Variants in SLC9C1 observed in about 807,000 individuals in gnomAD.
The protein encoded by SLC9C1 is sodium/hydrogen exchanger 10.
A neutral mutation model predicts 140.9 loss-of-function variants in SLC9C1; 97 were observed. That is an observed-to-expected ratio of 0.69 (90% confidence interval 0.58 to 0.82). The LOEUF is 0.82. SLC9C1 is among the 40% of genes least tolerant of loss of function. The pLI is 0.00. For missense variants in SLC9C1, 1,340 were observed against 1,389.3 expected (o/e 0.96, Z 0.56); for synonymous variants, 440 against 442.6 (o/e 0.99, Z 0.07).
chr3:112,215,678 A>T (rs2078342801), intron 15 of SLC9C1, among the ~76,000 whole-genome samples: 1 of 152,206 alleles, frequency 6.6e-6, no homozygotes, highest in African/African-American at 2.4e-5. Context: ...AAGAAGAACT[A>T]CAAACCACTG....
intron 13 of SLC9C1, among the ~76,000 whole-genome samples, chr3:112,226,770 C>A (rs1452295846): frequency 4.0e-5 from 6 of 151,620 alleles, no homozygotes; most frequent in Non-Finnish European, 2.9e-5. Context: ...TAATTATGCA[C>A]CTTAAGGAAC....
At chr3:112,190,849 A>G (rs75517399) in intron 20 of SLC9C1, among the ~76,000 whole-genome samples, 1,723 of 151,536 alleles carry the variant, frequency 0.011, 37 homozygotes, top group African/African-American at 0.038. Flanking sequence ...GTTATTTTCC[A>G]TGTTTGCTTT....
At chr3:112,243,500 A>C (rs1273307619) in intron 11 of SLC9C1, among the ~76,000 whole-genome samples, 4 of 152,164 alleles carry the variant, frequency 2.6e-5, no homozygotes, top group African/African-American at 9.7e-5. Context: ...GGAGTACTAG[A>C]GTGGGGAAAG....
At chr3:112,206,931 A>G (rs1331089893) in intron 16 of SLC9C1, among the ~76,000 whole-genome samples, 5 of 152,200 alleles carry the variant, frequency 3.3e-5, no homozygotes, top group East Asian at 3.8e-4. Flanking sequence ...CCAACATGGC[A>G]CATGTTTACA....
rs74986005 is a variant in SLC9C1, at chr3:112,156,496, G to A, written c.3365-1447C>T. Among the ~76,000 whole-genome samples the A allele has an allele frequency of 3.9e-5, 6 of 152,092 alleles. No individual in the cohort carries two copies. In the East Asian group the frequency reaches 5.8e-4, roughly 15 times the overall value. On this transcript the variant is annotated intron_variant, in intron 26 of 28. Coordinates refer to ENST00000305815, the MANE Select transcript of SLC9C1 (RefSeq NM_183061.3). The stretch of plus-strand genomic sequence containing the variant: ...CAATAAACATGGGAGTGAAGACATC[G>A]CTTCAACATACTGATTTTATTTCTT...
At chr3:112,233,475 ATTTC>A (rs2078890665) in intron 12 of SLC9C1, among the ~76,000 whole-genome samples, 1 of 152,016 alleles carries the variant, frequency 6.6e-6, no homozygotes, top group African/African-American at 2.4e-5. Flanking sequence ...AATTTTTGGT[ATTTC>A]TTGATTCTTT....
chr3:112,228,276 G>C (rs2078733041), intron 13 of SLC9C1, among the ~76,000 whole-genome samples: 1 of 152,016 alleles, frequency 6.6e-6, no homozygotes, highest in Admixed American at 6.6e-5. Context: ...TTTCGACAAA[G>C]CCATGAGGAA....
At chr3:112,159,985 A>G (rs1442878740) in intron 26 of SLC9C1, among the ~76,000 whole-genome samples, 2 of 151,844 alleles carry the variant, frequency 1.3e-5, no homozygotes, top group Non-Finnish European at 2.9e-5. Flanking sequence ...CATAGGCAGC[A>G]TATAGTTGGG....
At chr3:112,229,592 G>C (rs2078767653) in intron 13 of SLC9C1, among the ~76,000 whole-genome samples, 1 of 151,852 alleles carries the variant, frequency 6.6e-6, no homozygotes, top group Admixed American at 6.6e-5. Context: ...TCAAGCAAAA[G>C]GGTGTATAGA....
intron 13 of SLC9C1, among the ~76,000 whole-genome samples, chr3:112,226,167 A>T (rs1204166004): frequency 1.3e-5 from 2 of 152,276 alleles, no homozygotes; most frequent in South Asian, 4.1e-4. Flanking sequence ...CCAAATTTTT[A>T]AAAAATTAAA....
intron 3 of SLC9C1, 34 bp downstream of exon 3, chr3:112,280,649 T>C (rs1455647623): frequency 1.3e-6 from 2 of 1,534,810 alleles, no homozygotes; most frequent in African/African-American, 1.4e-5. Context: ...AATTCTCAAA[T>C]AAATAGTGTA....
At chr3:112,201,017 G>T (rs372662472) in intron 18 of SLC9C1, among the ~76,000 whole-genome samples, 1 of 152,016 alleles carries the variant, frequency 6.6e-6, no homozygotes, top group Non-Finnish European at 1.5e-5. Flanking sequence ...AAAAGTGCAG[G>T]CATGGTATTA....
intron 21 of SLC9C1, 145 bp downstream of exon 21, chr3:112,181,988 A>G (rs759366801): frequency 2.5e-4 from 186 of 753,604 alleles, no homozygotes; most frequent in Non-Finnish European, 3.4e-4. Context: ...TTTGCATATT[A>G]TTCAAAAGGA....
intron 25 of SLC9C1, 137 bp downstream of exon 25, chr3:112,168,740 G>T: frequency 1.3e-6 from 1 of 783,326 alleles, no homozygotes; most frequent in Non-Finnish European, 1.9e-6. Flanking sequence ...GTATGAGTGA[G>T]TGTTTATGGA....
chr3:112,151,830 C>A, intron 28 of SLC9C1, 27 bp downstream of exon 28: 2 of 1,580,538 alleles, frequency 1.3e-6, no homozygotes, highest in South Asian at 2.2e-5. Flanking sequence ...TGCTCCTGAT[C>A]CTGTTGAGGA....
chr3:112,159,824 T>A (rs1324385084), intron 26 of SLC9C1, among the ~76,000 whole-genome samples: 1 of 115,550 alleles, frequency 8.7e-6, no homozygotes, highest in African/African-American at 3.0e-5. Context: ...CCTTTTTTGT[T>A]CTTTTTTTGG....
chr3:112,170,104 C>T (rs1000348165), intron 23 of SLC9C1, among the ~76,000 whole-genome samples: 4 of 152,016 alleles, frequency 2.6e-5, no homozygotes, highest in African/African-American at 4.8e-5. Context: ...TGACTAAAAC[C>T]TCAAAAGCAC....
intron 6 of SLC9C1, 99 bp from the exon 7 acceptor site, chr3:112,270,176 A>T: frequency 8.1e-7 from 1 of 1,240,056 alleles, no homozygotes; most frequent in Non-Finnish European, 1.1e-6. Flanking sequence ...TTATCTTTAA[A>T]ATTAGCTAAC....
At chr3:112,280,271 C>T (rs2080321510) in intron 3 of SLC9C1, among the ~76,000 whole-genome samples, 2 of 152,196 alleles carry the variant, frequency 1.3e-5, no homozygotes, top group Non-Finnish European at 2.9e-5. Flanking sequence ...CCCTTTAAAA[C>T]AGTCTTCATT....
Sources: gnomAD v4.1 joint callset for allele counts (sites outside exome capture counted in the v4.1 genomes callset) on GRCh38, gnomAD v4.1.1 for gene constraint, MANE v1.5 for transcripts, NCBI Gene and HGNC (gene_info 2026-07-23, HGNC 2026-07-21) for gene names.